The following CDH4 variants were observed in gnomAD, a reference collection of about 807,000 sequenced individuals.
The protein encoded by CDH4 is cadherin 4, also known as cadherin-4.
In CDH4, 33 loss-of-function variants were observed where a neutral mutation model predicts 86.0. That is an observed-to-expected ratio of 0.38 (90% CI 0.29 to 0.51). CDH4 has a LOEUF of 0.51. Among genes scored for constraint, CDH4 ranks in the 20% least tolerant of loss-of-function variants. CDH4 has a pLI of 0.86. For synonymous variants in CDH4, 555 were observed against 549.4 expected (o/e 1.01, Z -0.14); for missense variants, 1,114 against 1,307.4 (o/e 0.85, Z 2.28).
chr20:61,561,138 C>T (rs1212717257), intron 2 of CDH4, among the ~76,000 whole-genome samples: 3 of 152,144 alleles, frequency 2.0e-5, no homozygotes, highest in Admixed American at 1.3e-4. Context: ...ACCCCCAAGA[C>T]CTGGGTGCAC....
At chr20:61,602,272 G>A (rs545323804) in intron 2 of CDH4, among the ~76,000 whole-genome samples, 1 of 152,272 alleles carries the variant, frequency 6.6e-6, no homozygotes, top group South Asian at 2.1e-4. Context: ...TCAGCGATGG[G>A]CTCACTACAT....
chr20:61,723,628 C>T (rs62197833), intron 2 of CDH4, among the ~76,000 whole-genome samples: 50,302 of 152,112 alleles, frequency 0.33, 9,425 homozygotes, highest in South Asian at 0.44. Flanking sequence ...AGTGAACGCA[C>T]CTGGGACAAG....
chr20:61,432,603 A>G (rs1011155512), intron 2 of CDH4, among the ~76,000 whole-genome samples: 15 of 152,128 alleles, frequency 9.9e-5, no homozygotes, highest in Non-Finnish European at 1.9e-4. Flanking sequence ...GTGTGTGTAT[A>G]TATATATATT....
intron 4 of CDH4, among the ~76,000 whole-genome samples, chr20:61,806,939 C>T (rs1458587646): frequency 1.3e-5 from 2 of 152,138 alleles, no homozygotes; most frequent in African/African-American, 2.4e-5. Flanking sequence ...CAGGTTTTCC[C>T]GTAATGCACG....
At chr20:61,794,925 A>G (rs374586013) in intron 4 of CDH4, among the ~76,000 whole-genome samples, 8 of 151,892 alleles carry the variant, frequency 5.3e-5, no homozygotes, top group African/African-American at 1.7e-4. Context: ...CCACTCCTGA[A>G]GTGGTTCCCT....
Position 61,754,797 on chromosome 20 carries a change from ACACACACCACACACACGATGCATGC to A in CDH4, c.396+11024_396+11048del, listed in dbSNP as rs940818722. Among the ~76,000 whole-genome samples, 2 of 145,812 alleles carry A rather than the reference ACACACACCACACACACGATGCATGC, an allele frequency of 1.4e-5. No individual in the cohort carries two copies. The highest frequency in any genetic ancestry group is 2.6e-5 in the African/African-American group (1 of 39,004). On this transcript the variant is annotated intron_variant, in intron 3 of 15. Coordinates refer to ENST00000614565, the MANE Select transcript of CDH4 (RefSeq NM_001794.5). The surrounding 1 kb of genome is among the most constrained non-coding windows in gnomAD (Gnocchi z 4.7). ...ACACACCACACACACACTGCACGCC[ACACACACCACACACACGATGCATGC>A]CACACACCACACACATGCCCCACAC...
chr20:61,851,301 G>A (rs991176156), intron 5 of CDH4, among the ~76,000 whole-genome samples: 2 of 152,180 alleles, frequency 1.3e-5, no homozygotes, highest in South Asian at 2.1e-4. Flanking sequence ...TAGATCTTCC[G>A]TAAACACACA....
chr20:61,488,922 T>A (rs2145586402), intron 2 of CDH4, among the ~76,000 whole-genome samples: 1 of 152,326 alleles, frequency 6.6e-6, no homozygotes, highest in East Asian at 1.9e-4. Flanking sequence ...AGTCAGGAAG[T>A]CAGTATGTCT....
intron 2 of CDH4, among the ~76,000 whole-genome samples, chr20:61,313,391 C>T (rs1323314354): frequency 6.6e-6 from 1 of 152,188 alleles, no homozygotes; most frequent in Non-Finnish European, 1.5e-5. Context: ...ACACAGCTCC[C>T]TTCATCTTTT....
rs931515682 is a variant in CDH4, at chr20:61,331,395, G to A, written c.169+76458G>A. ...CTTAGCCTCTGTGTCCAGTCCCTTC[G>A]CCGGCACCCAGAGCCAACTCCCACT... On this transcript the variant is annotated intron_variant, in intron 2 of 15. Transcript: ENST00000614565. 1.6e-4 allele frequency among the ~76,000 whole-genome samples: 24 copies of A among 152,076 alleles called. No individual in the cohort carries two copies. In the East Asian group the frequency reaches 3.7e-3, roughly 23 times the overall value.
intron 2 of CDH4, among the ~76,000 whole-genome samples, chr20:61,414,083 C>T (rs771799247): frequency 2.0e-5 from 3 of 152,254 alleles, no homozygotes; most frequent in Admixed American, 6.5e-5. Context: ...AGTCCCACTA[C>T]ATTAGGAGCC....
rs972678264 is a variant in CDH4 at position 61,501,874 on chromosome 20, T to G, written c.170-241689T>G. On this transcript the variant is annotated intron_variant, in intron 2 of 15. Coordinates refer to ENST00000614565, the MANE Select transcript of CDH4 (RefSeq NM_001794.5). This position sits in a 1 kb window ranked among gnomAD's most constrained non-coding sequence, Gnocchi z 4.2. ...CACGTGTGTCCTTGTATATACCTGT[T>G]GCGCCTGCGAGAACATGTTCTCCAC... Among the ~76,000 whole-genome samples the G allele has an allele frequency of 6.6e-6, 1 of 152,166 alleles. No homozygotes were observed. The highest frequency in any genetic ancestry group is 1.5e-5 in the Non-Finnish European group (1 of 68,036).
intron 2 of CDH4, among the ~76,000 whole-genome samples, chr20:61,527,831 G>A (rs2085922038): frequency 6.6e-6 from 1 of 152,066 alleles, no homozygotes; most frequent in African/African-American, 2.4e-5. Flanking sequence ...ACGCCAACAT[G>A]ACAAGACGGT....
chr20:61,469,845 C>A (rs1267974555), intron 2 of CDH4, among the ~76,000 whole-genome samples: 3 of 151,944 alleles, frequency 2.0e-5, no homozygotes, highest in Non-Finnish European at 4.4e-5. Flanking sequence ...GTTCTTGGTG[C>A]CTTTGTCGAA....
intron 3 of CDH4, among the ~76,000 whole-genome samples, chr20:61,755,955 C>T (rs1476959971): frequency 6.6e-6 from 1 of 152,212 alleles, no homozygotes; most frequent in Non-Finnish European, 1.5e-5. Flanking sequence ...GGGTTGGATG[C>T]GGCCACCCAA....
rs1239826758 is a variant in CDH4 at position 61,684,095 on chromosome 20, C to T, written c.170-59468C>T. ...GTGTGGATTCATTTAACAGGGTTGG[C>T]TGATACCTACTGTGTAGCAGGGATT... On this transcript the variant is annotated intron_variant, in intron 2 of 15. Coordinates refer to ENST00000614565, the MANE Select transcript of CDH4 (RefSeq NM_001794.5). This position sits in a 1 kb window ranked among gnomAD's most constrained non-coding sequence, Gnocchi z 4.5. 6.6e-6 allele frequency among the ~76,000 whole-genome samples: 1 copy of T among 152,232 alleles called. No homozygotes were observed. The highest frequency in any genetic ancestry group is 6.5e-5 in the Admixed American group (1 of 15,280).
intron 2 of CDH4, among the ~76,000 whole-genome samples, chr20:61,340,069 C>A (rs2084642178): frequency 6.6e-6 from 1 of 152,158 alleles, no homozygotes; most frequent in Admixed American, 6.5e-5. Context: ...AATTTTAAAA[C>A]CCAGATAGGT....
intron 2 of CDH4, among the ~76,000 whole-genome samples, chr20:61,537,660 CT>C (rs1454111011): frequency 3.9e-5 from 6 of 152,214 alleles, no homozygotes; most frequent in Admixed American, 3.9e-4. Flanking sequence ...GCCCTCCCCA[CT>C]CACGAGGCGT....
At chr20:61,547,198 CT>C (rs779375514) in intron 2 of CDH4, among the ~76,000 whole-genome samples, 1,652 of 93,680 alleles carry the variant, frequency 0.018, 32 homozygotes, top group Non-Finnish European at 0.027. Context: ...CCCCAGAGCT[CT>C]TTTTTTTTTT....
Sources: gnomAD v4.1 joint callset for allele counts (sites outside exome capture counted in the v4.1 genomes callset) on GRCh38, gnomAD v4.1.1 for gene constraint, Gnocchi (gnomAD v3.1) non-coding constraint, MANE v1.5 for transcripts, NCBI Gene and HGNC (gene_info 2026-07-23, HGNC 2026-07-21) for gene names.